Variants in DARS2 observed in about 807,000 individuals in gnomAD.
The protein encoded by DARS2 is aspartyl-tRNA synthetase 2, mitochondrial.
In DARS2, 63 loss-of-function variants were observed where a neutral mutation model predicts 83.0. The observed-to-expected ratio is 0.76, with a 90% CI of 0.62 to 0.94. The LOEUF (loss-of-function observed/expected upper bound fraction) is 0.94, where lower values mean the gene tolerates loss of function less well. Among genes scored for constraint, DARS2 ranks in the 40% least tolerant of loss-of-function variants. The pLI, the probability that DARS2 is intolerant of heterozygous loss-of-function variation, is 0.00. For synonymous variants in DARS2, 250 were observed against 269.3 expected, an observed-to-expected ratio of 0.93 and a Z score of 0.70; for missense variants, 675 against 774.4, an observed-to-expected ratio of 0.87 and a Z score of 1.52.
Position 173,853,797 on chromosome 1 carries a change from C to T in DARS2, c.1566C>T (p.Ala522=), listed in dbSNP as rs1438106841. ...TAAAGTATCTGTGAATCTTCTAGGCCCGTAGCCAACACTATGACTTGGTTT... is the reference window on the plus strand; with the variant it reads ...TAAAGTATCTGTGAATCTTCTAGGCTCGTAGCCAACACTATGACTTGGTTT... ...IHLLYTEPKK[A]RSQHYDLVLN... Residue 522 remains alanine, a splice_region_variant and synonymous_variant, in exon 15 of 17, where the codon GCC becomes GCT. Coordinates refer to ENST00000649689, the MANE Select transcript of DARS2 (RefSeq NM_018122.5). 5 of 1,613,264 alleles carry T rather than the reference C, an allele frequency of 3.1e-6. No homozygotes were observed. Among genetic ancestry groups the T allele is most frequent in the East Asian group, 4.5e-5 (2 of 44,882 alleles).
intron 8 of DARS2, among the ~76,000 whole-genome samples, chr1:173,837,311 G>T (rs571953334): frequency 1.3e-5 from 2 of 151,858 alleles, no homozygotes; most frequent in Non-Finnish European, 2.9e-5. Context: ...CTCTCAAGGT[G>T]TTAAGGCTAG....
At chr1:173,842,284 C>CTTT (rs1178547914) in intron 11 of DARS2, among the ~76,000 whole-genome samples, 1,169 of 64,178 alleles carry the variant, frequency 0.018, 273 homozygotes, top group South Asian at 0.026. Context: ...TCATTACTTT[C>CTTT]TTTTTTTTTT....
intron 11 of DARS2, among the ~76,000 whole-genome samples, chr1:173,844,017 A>G (rs1005596231): frequency 3.3e-5 from 5 of 152,216 alleles, no homozygotes; most frequent in African/African-American, 1.2e-4. Flanking sequence ...AGTTATGATA[A>G]GGTTTGAGGT....
At chr1:173,856,439 T>C (rs1024295164) in intron 15 of DARS2, among the ~76,000 whole-genome samples, 2 of 152,236 alleles carry the variant, frequency 1.3e-5, no homozygotes, top group Non-Finnish European at 2.9e-5. Context: ...CCAGGCATTT[T>C]TGTACATGTT....
At chr1:173,845,093 C>G in intron 11 of DARS2, 136 bp from the exon 12 acceptor site, 1 of 656,978 alleles carries the variant, frequency 1.5e-6, no homozygotes, top group Non-Finnish European at 2.8e-6. Flanking sequence ...CCGCGCCCAG[C>G]CCAGACATTG....
chr1:173,843,743 GTT>G (rs1281680569), intron 11 of DARS2, among the ~76,000 whole-genome samples: 1 of 152,188 alleles, frequency 6.6e-6, no homozygotes, highest in Admixed American at 6.5e-5. Context: ...TATATGAGCT[GTT>G]CTTGGGAGAA....
At chr1:173,845,749 C>T (rs1398437293) in intron 12 of DARS2, among the ~76,000 whole-genome samples, 12 of 152,130 alleles carry the variant, frequency 7.9e-5, no homozygotes, top group Admixed American at 3.9e-4. Context: ...GGGCTGGGCA[C>T]GGTGGCTCAC....
chr1:173,851,988 G>T, intron 13 of DARS2: 1 of 985,266 alleles, frequency 1.0e-6, no homozygotes, highest in Non-Finnish European at 1.2e-6. Context: ...AACTAATTTG[G>T]CTATTAAACC....
At chr1:173,831,855 T>C (rs1350510675) in intron 5 of DARS2, among the ~76,000 whole-genome samples, 1 of 152,224 alleles carries the variant, frequency 6.6e-6, no homozygotes, top group East Asian at 1.9e-4. Flanking sequence ...AGACTGTTTT[T>C]TCAGACAGAT....
At chr1:173,842,449 C>T (rs1653266975) in intron 11 of DARS2, among the ~76,000 whole-genome samples, 1 of 149,584 alleles carries the variant, frequency 6.7e-6, no homozygotes, top group Non-Finnish European at 1.5e-5. Flanking sequence ...CAGGCGTATG[C>T]CACCATGCCC....
At chr1:173,837,097 A>G (rs1653033375) in intron 8 of DARS2, 51 bp downstream of exon 8, 1 of 1,492,230 alleles carries the variant, frequency 6.7e-7, no homozygotes, top group South Asian at 1.1e-5. Flanking sequence ...GAGAAAAACA[A>G]AGGGAAAAAA....
At position 173,826,705 on chromosome 1, in the gene DARS2, T is replaced by C; in HGVS notation, c.146T>C (p.Val49Ala). 1 of 1,612,034 alleles carries C rather than the reference T, an allele frequency of 6.2e-7. No homozygotes were observed. The highest frequency in any genetic ancestry group is 8.5e-7 in the Non-Finnish European group (1 of 1,178,748). The stretch of plus-strand genomic sequence containing the variant: ...TTTAAAGAATTCAGTAGCTTTGTTG[T>C]CCGGACCAACACATGTGGAGAGTTG... Reference protein sequence around the residue: ...RRIPEFSSFVVRTNTCGELRS... With the variant: ...RRIPEFSSFVARTNTCGELRS... The change falls in exon 2 of 17, where the codon GTC (valine) becomes GCC (alanine). Residue 49 changes from valine to alanine, a missense_variant. Transcript: ENST00000649689.
chr1:173,842,317 T>TTTTTTTTTTTTTTG lies in DARS2; in HGVS notation c.1128+1344_1128+1345insTTTTTTTTTTTTTG, dbSNP rs1304745729. Among the ~76,000 whole-genome samples the TTTTTTTTTTTTTTG allele has an allele frequency of 4.8e-4, 56 of 116,626 alleles. 14 individuals carry two copies. Among genetic ancestry groups the TTTTTTTTTTTTTTG allele is most frequent in the African/African-American group, 2.3e-3 (54 of 23,538 alleles). The allele number at this position is 116,626 out of a possible 152,430, so 76.5% of individuals were successfully genotyped here. On this transcript the variant is annotated intron_variant, in intron 11 of 16. Transcript: ENST00000649689. ...TTTTTTTTTTTTTTTTTTTTTTTTT[T>TTTTTTTTTTTTTTG]AGAGTGAGTCTTGCTCTGTCGCCCA...
intron 1 of DARS2, among the ~76,000 whole-genome samples, chr1:173,825,850 T>TC: frequency 6.6e-6 from 1 of 152,078 alleles, no homozygotes; most frequent in East Asian, 1.9e-4. Context: ...CAGTTTTTTT[T>TC]CCCTGAGTTT....
chr1:173,854,588 AAAGT>A (rs1351408757), intron 15 of DARS2, among the ~76,000 whole-genome samples: 1 of 152,246 alleles, frequency 6.6e-6, no homozygotes, highest in African/African-American at 2.4e-5. Context: ...TGACAGTACA[AAAGT>A]AAGCAGAGTC....
Position 173,853,460 on chromosome 1 carries a change from C to G in DARS2, c.1456C>G (p.Leu486Val). ...FSFLWVVDFP[L>V]FLPKEENPRE... is the part of the protein sequence containing the mutation. ...TTTCCTTTGGGTGGTAGATTTCCCACTCTTCCTGCCCAAGGAGGAAAATCC... is the reference window on the plus strand; with the variant it reads ...TTTCCTTTGGGTGGTAGATTTCCCAGTCTTCCTGCCCAAGGAGGAAAATCC... The change falls in exon 14 of 17, where the codon CTC becomes GTC. Residue 486 changes from leucine (L) to valine (V), a missense_variant. Physicochemically the swap from Leu to Val is conservative, Grantham distance 32. Transcript: ENST00000649689. The G allele has an allele frequency of 6.2e-7, 1 of 1,614,124 alleles. No individual in the cohort carries two copies. The highest frequency in any genetic ancestry group is 8.5e-7 in the Non-Finnish European group (1 of 1,180,014).
intron 12 of DARS2, among the ~76,000 whole-genome samples, chr1:173,846,185 C>T (rs1653429087): frequency 6.6e-6 from 1 of 151,036 alleles, no homozygotes; most frequent in South Asian, 2.1e-4. Flanking sequence ...CAAAAATGTG[C>T]CGGGTGTGTT....
intron 12 of DARS2, among the ~76,000 whole-genome samples, chr1:173,848,625 G>A (rs555321161): frequency 1.1e-4 from 16 of 152,318 alleles, no homozygotes; most frequent in Admixed American, 8.5e-4. Context: ...TGTTGTTACT[G>A]ATGAGAAGTC....
At chr1:173,854,913 T>A (rs1051747081) in intron 15 of DARS2, among the ~76,000 whole-genome samples, 2 of 152,118 alleles carry the variant, frequency 1.3e-5, no homozygotes, top group Non-Finnish European at 2.9e-5. Flanking sequence ...AGTTTGTTGG[T>A]GATGCTGTAG....
Sources: gnomAD v4.1 joint callset for allele counts (sites outside exome capture counted in the v4.1 genomes callset) on GRCh38, gnomAD v4.1.1 for gene constraint, MANE v1.5 for transcripts, NCBI Gene and HGNC (gene_info 2026-07-23, HGNC 2026-07-21) for gene names.